CCPG1: variants seen among roughly 807,000 people sequenced by gnomAD.
CCPG1 encodes cell cycle progression protein 1.
A neutral mutation model predicts 81.3 loss-of-function variants in CCPG1; 46 were observed. The ratio of observed to expected loss-of-function variants is 0.57; its 90% CI spans 0.45 to 0.72. The LOEUF is 0.72. Among genes scored for constraint, CCPG1 ranks in the 30% least tolerant of loss-of-function variants. The pLI is 0.00. For missense variants in CCPG1, 902 were observed against 937.6 expected (o/e 0.96, Z 0.50); for synonymous variants, 330 against 305.2 (o/e 1.08, Z -0.85).
At chr15:55,389,252 A>G in intron 2 of CCPG1, 113 bp downstream of exon 2, 2 of 721,944 alleles carry the variant, frequency 2.8e-6, no homozygotes, top group Non-Finnish European at 2.4e-6. Context: ...GAAAATGTCC[A>G]TTGGAACTTT....
chr15:55,360,648 C>A lies in CCPG1; in HGVS notation c.1125G>T (p.Leu375=). 6.2e-7 allele frequency: 1 copy of A among 1,614,146 alleles called. No individual in the cohort carries two copies. The highest frequency in any genetic ancestry group is 8.5e-7 in the Non-Finnish European group (1 of 1,180,030). ...KHSFLSQRET[L]LTEAKMLKRE... ...TCTTTAGCATCTTTGCTTCTGTCAA[C>A]AGAGTCTCCCTTTGACTAAGAAAGC... The change falls in exon 8 of 9, where the codon CTG becomes CTT. Residue 375 remains leucine, a synonymous_variant. Transcript: ENST00000442196.
chr15:55,400,078 G>C (rs1320476623), intron 1 of CCPG1, among the ~76,000 whole-genome samples: 1 of 151,430 alleles, frequency 6.6e-6, no homozygotes, highest in Non-Finnish European at 1.5e-5. Flanking sequence ...ATAGTGGCAG[G>C]AGCCTTTAAT....
intron 3 of CCPG1, 47 bp downstream of exon 3, chr15:55,385,553 C>T (rs1237692547): frequency 1.1e-6 from 1 of 940,978 alleles, no homozygotes. Context: ...CATAATATCA[C>T]TCATATATCA....
At position 55,388,145 on chromosome 15, in the gene CCPG1, A is replaced by G. The variant is rs796780523; in HGVS notation, c.60+1220T>C. ...GACAACAAGAGCGACAGCCTGGACA[A>G]CAAGAGCAAAACTCCATCTCAAAAA... On this transcript the variant is annotated intron_variant, in intron 2 of 8. Transcript: ENST00000442196. Among the ~76,000 whole-genome samples, 17 of 152,142 alleles carry G rather than the reference A, an allele frequency of 1.1e-4. 1 individual carries two copies. Among genetic ancestry groups the G allele is most frequent in the African/African-American group, 4.1e-4 (17 of 41,554 alleles).
rs2056297237 is a variant in CCPG1 at position 55,365,238 on chromosome 15, C to T, written c.778G>A (p.Asp260Asn). 6.6e-7 allele frequency: 1 copy of T among 1,510,314 alleles called. No individual in the cohort carries two copies. Among genetic ancestry groups the T allele is most frequent in the South Asian group, 1.2e-5 (1 of 86,226 alleles). 93.6% of individuals were successfully genotyped at this position (1,510,314 alleles called of 1,614,324 possible). Residue 260 changes from aspartate (D) to asparagine (N), a missense_variant, in exon 7 of 9, where the codon GAT (aspartate) becomes AAT (asparagine). By Grantham distance (23) the Asp-to-Asn change is conservative. Coordinates refer to ENST00000442196, the MANE Select transcript of CCPG1 (RefSeq NM_001204450.2). Reference sequence around the variant, plus strand: ...TCCTGTTGACACTGGGAAAGATAATCCTTCATATCATTCAATTCATCTTCA... The same window carrying T: ...TCCTGTTGACACTGGGAAAGATAATTCTTCATATCATTCAATTCATCTTCA... Reference protein sequence around the residue: ...IHEDELNDMKDYLSQCQQEQE... With the variant: ...IHEDELNDMKNYLSQCQQEQE...
rs201541178 is a variant in CCPG1 at position 55,389,410 on chromosome 15, G to A, written c.15C>T (p.Ser5=). 20 of 1,610,734 alleles carry A rather than the reference G, an allele frequency of 1.2e-5. No individual in the cohort carries two copies. The highest frequency in any genetic ancestry group is 1.7e-5 in the Non-Finnish European group (20 of 1,177,208). Residue 5 remains serine (S), a synonymous_variant, in exon 2 of 9, where the codon TCC becomes TCT. Transcript: ENST00000442196. ...AACCACAAGATGAATCACTGTCACT[G>A]GAATTTTCAGACATCTTTCAGGTCT... MSEN[S]SDSDSSCGWT...
chr15:55,372,048 T>C lies in CCPG1; in HGVS notation c.455-4A>G. 5 of 1,607,456 alleles carry C rather than the reference T, an allele frequency of 3.1e-6. No individual in the cohort carries two copies. Among genetic ancestry groups the C allele is most frequent in the Non-Finnish European group, 4.2e-6 (5 of 1,176,832 alleles). On this transcript the variant is annotated splice_region_variant and splice_polypyrimidine_tract_variant and intron_variant, in intron 5 of 8. Transcript: ENST00000442196. ...TCACTAGGCTGAGATGAAAATACTATTAAGAAAAAAGTTGACATTTAGCTA... is the reference window on the plus strand; with the variant it reads ...TCACTAGGCTGAGATGAAAATACTACTAAGAAAAAAGTTGACATTTAGCTA...
chr15:55,373,308 C>T (rs10518810), intron 5 of CCPG1, among the ~76,000 whole-genome samples: 27,022 of 152,060 alleles, frequency 0.18, 4,145 homozygotes, highest in African/African-American at 0.42. Flanking sequence ...AAAATATGAA[C>T]TCGAATACAA....
intron 8 of CCPG1, chr15:55,357,207 G>A (rs1008345281): frequency 2.5e-5 from 23 of 909,502 alleles, no homozygotes; most frequent in Non-Finnish European, 3.0e-5. Context: ...CCCAAACCTT[G>A]AATTCCCTAT....
At chr15:55,379,742 A>G (rs1380457767) in intron 3 of CCPG1, among the ~76,000 whole-genome samples, 1 of 152,192 alleles carries the variant, frequency 6.6e-6, no homozygotes, top group Non-Finnish European at 1.5e-5. Flanking sequence ...ATATTTTATA[A>G]GAACCTCCTC....
chr15:55,356,176 A>G lies in CCPG1; in HGVS notation c.*44T>C. ...TTCAATACCAAACATTATACAAAGCATAAATTTTTCTCTTACAGTTGTCTA... is the reference window on the plus strand; with the variant it reads ...TTCAATACCAAACATTATACAAAGCGTAAATTTTTCTCTTACAGTTGTCTA... On this transcript the variant is annotated 3_prime_UTR_variant, in exon 9 of 9. Transcript: ENST00000442196. 2 of 1,410,344 alleles carry G rather than the reference A, an allele frequency of 1.4e-6. No homozygotes were observed. The highest frequency in any genetic ancestry group is 1.9e-6 in the Non-Finnish European group (2 of 1,053,412). 87.4% of individuals were successfully genotyped at this position (1,410,344 alleles called of 1,614,324 possible). A position where few individuals can be genotyped will look rare whatever the true frequency, so the allele number is the denominator to read the frequency against.
intron 5 of CCPG1, chr15:55,372,798 A>C (rs2056480736): frequency 2.8e-6 from 1 of 353,454 alleles, no homozygotes; most frequent in African/African-American, 2.2e-5. Flanking sequence ...GAAAGTACAC[A>C]AGCATTTCCT....
intron 1 of CCPG1, chr15:55,398,319 T>C (rs2057061757): frequency 6.6e-6 from 1 of 152,142 alleles, no homozygotes; most frequent in Non-Finnish European, 1.5e-5. Flanking sequence ...CTAGATAAGA[T>C]GGAGAAGAAT....
In CCPG1 at chr15:55,359,751, C is replaced by G; in HGVS notation, c.2022G>C (p.Trp674Cys). 6.2e-7 allele frequency: 1 copy of G among 1,613,366 alleles called. No individual in the cohort carries two copies. The highest frequency in any genetic ancestry group is 8.5e-7 in the Non-Finnish European group (1 of 1,179,882). The change falls in exon 8 of 9, where the codon TGG becomes TGC. Residue 674 changes from tryptophan to cysteine, a missense_variant. Trp to Cys is a radical substitution (Grantham distance 215). Around this residue, in one of 3 missense-constraint regions of CCPG1, gnomAD observed 746 missense variants for 728.6 expected, o/e 1.02. Coordinates refer to ENST00000442196, the MANE Select transcript of CCPG1 (RefSeq NM_001204450.2). Reference protein sequence around the residue: ...MLKELDTFCHWNELDQFINKF... With the variant: ...MLKELDTFCHCNELDQFINKF... ...TATTGATGAACTGATCAAGTTCGTT[C>G]CAGTGACAAAAAGTATCCAGTTCTT...
At chr15:55,366,562 A>G (rs565960086) in intron 6 of CCPG1, among the ~76,000 whole-genome samples, 281 of 152,282 alleles carry the variant, frequency 1.8e-3, no homozygotes, top group Non-Finnish European at 1.2e-3. Context: ...ACCTGAGGTC[A>G]GGAGTTCGAG....
At chr15:55,372,921 A>G in intron 5 of CCPG1, 1 of 534,486 alleles carries the variant, frequency 1.9e-6, no homozygotes, top group Non-Finnish European at 3.8e-6. Context: ...GTATTTTAAC[A>G]TAGGTTTCCA....
intron 4 of CCPG1, among the ~76,000 whole-genome samples, chr15:55,377,864 TTC>T (rs1289702027): frequency 7.9e-5 from 12 of 152,048 alleles, no homozygotes; most frequent in Admixed American, 5.9e-4. Flanking sequence ...AGAAATAAAT[TTC>T]TGTTTGTTAT....
chr15:55,366,737 A>ACT (rs2056337183), intron 6 of CCPG1, among the ~76,000 whole-genome samples: 1 of 152,154 alleles, frequency 6.6e-6, no homozygotes, highest in African/African-American at 2.4e-5. Flanking sequence ...GCGCCACTGC[A>ACT]CTCCAGCCTG....
At chr15:55,393,557 A>T (rs1366739984) in intron 1 of CCPG1, among the ~76,000 whole-genome samples, 1 of 152,216 alleles carries the variant, frequency 6.6e-6, no homozygotes, top group Non-Finnish European at 1.5e-5. Context: ...ACCAGTGTTG[A>T]TGAGGGAAAG....
Sources: gnomAD v4.1 joint callset for allele counts (sites outside exome capture counted in the v4.1 genomes callset) on GRCh38, gnomAD v4.1.1 for gene constraint, gnomAD v4.1.1 regional missense constraint, MANE v1.5 for transcripts, NCBI Gene and HGNC (gene_info 2026-07-23, HGNC 2026-07-21) for gene names.